The following NUDCD3 variants were observed in gnomAD, a reference collection of about 807,000 sequenced individuals.
NUDCD3 encodes the protein nudC domain-containing protein 3.
A neutral mutation model predicts 39.7 loss-of-function variants in NUDCD3; 13 were observed. That is an observed-to-expected ratio of 0.33 (90% CI 0.21 to 0.52). The LOEUF (loss-of-function observed/expected upper bound fraction) is 0.52, where lower values mean the gene tolerates loss of function less well. Ranked by LOEUF, NUDCD3 falls within the 20% of genes least tolerant of loss-of-function variation. The pLI is 0.96. For synonymous variants in NUDCD3, 175 were observed against 172.4 expected (o/e 1.02, Z -0.12); for missense variants, 453 against 458.1 (o/e 0.99, Z 0.10).
chr7:44,431,375 G>A (rs1361268612), intron 2 of NUDCD3, among the ~76,000 whole-genome samples: 1 of 152,200 alleles, frequency 6.6e-6, no homozygotes, highest in Non-Finnish European at 1.5e-5. Flanking sequence ...CACAGAACAG[G>A]CTCTGTTGGG....
chr7:44,478,707 T>C (rs1046521397), intron 2 of NUDCD3, among the ~76,000 whole-genome samples: 2 of 152,176 alleles, frequency 1.3e-5, no homozygotes, highest in Non-Finnish European at 2.9e-5. Context: ...ATCAGAGTGA[T>C]GGTAAAATTA....
At chr7:44,396,258 G>C (rs149770861) in intron 4 of NUDCD3, among the ~76,000 whole-genome samples, 2 of 152,254 alleles carry the variant, frequency 1.3e-5, no homozygotes, top group African/African-American at 4.8e-5. Flanking sequence ...CTGTAACCAA[G>C]TGGGCTGCCC....
chr7:44,412,965 A>G (rs995115028), intron 3 of NUDCD3, among the ~76,000 whole-genome samples: 3 of 151,368 alleles, frequency 2.0e-5, no homozygotes, highest in African/African-American at 7.3e-5. Context: ...GAAAGAAACC[A>G]TTGACCATTG....
chr7:44,489,279 T>C (rs1246041214), intron 1 of NUDCD3, among the ~76,000 whole-genome samples: 15 of 152,222 alleles, frequency 9.9e-5, no homozygotes. Context: ...CTCTCATCAC[T>C]AAGATGGCAC....
At chr7:44,431,778 T>C (rs1407410402) in intron 2 of NUDCD3, among the ~76,000 whole-genome samples, 1 of 150,856 alleles carries the variant, frequency 6.6e-6, no homozygotes, top group Non-Finnish European at 1.5e-5. Flanking sequence ...GTTCACATGA[T>C]TCTCCTGCCT....
In NUDCD3 at chr7:44,385,893, A is replaced by G; in HGVS notation, c.*118T>C. The stretch of plus-strand genomic sequence containing the variant: ...GGAAGGCCTGGTTCACCCTTGAAAG[A>G]AAGGATGGCTAGGGGTAAACAAGAC... On this transcript the variant is annotated 3_prime_UTR_variant, in exon 6 of 6. Transcript: ENST00000355451. The G allele has an allele frequency of 1.5e-6, 1 of 651,502 alleles. No individual in the cohort carries two copies. The highest frequency in any genetic ancestry group is 2.8e-6 in the Non-Finnish European group (1 of 356,188). The allele number at this position is 651,502 out of a possible 1,614,324, so 40.4% of individuals were successfully genotyped here.
At chr7:44,406,947 G>A (rs1048925436) in intron 3 of NUDCD3, among the ~76,000 whole-genome samples, 1 of 152,170 alleles carries the variant, frequency 6.6e-6, no homozygotes, top group African/African-American at 2.4e-5. Context: ...AAGGCCAGGG[G>A]CACATGTGGG....
chr7:44,401,027 T>C (rs773617375), intron 4 of NUDCD3, among the ~76,000 whole-genome samples: 6 of 152,118 alleles, frequency 3.9e-5, no homozygotes, highest in African/African-American at 4.8e-5. Flanking sequence ...CCAACAAACA[T>C]TGGAGATCAA....
intron 2 of NUDCD3, among the ~76,000 whole-genome samples, chr7:44,481,978 T>C (rs1800500756): frequency 6.6e-6 from 1 of 152,188 alleles, no homozygotes; most frequent in Non-Finnish European, 1.5e-5. Flanking sequence ...ACCTTGACCT[T>C]AGACTTCCAG....
chr7:44,478,868 A>G (rs1800433988), intron 2 of NUDCD3, among the ~76,000 whole-genome samples: 1 of 152,224 alleles, frequency 6.6e-6, no homozygotes, highest in South Asian at 2.1e-4. Flanking sequence ...GCACCAATGG[A>G]AATGTCATTG....
chr7:44,448,422 C>T (rs974105296), intron 2 of NUDCD3, among the ~76,000 whole-genome samples: 13 of 152,144 alleles, frequency 8.5e-5, no homozygotes, highest in Non-Finnish European at 1.5e-4. Flanking sequence ...AACACCTGCC[C>T]GAGGCGCCGG....
intron 3 of NUDCD3, among the ~76,000 whole-genome samples, chr7:44,424,553 T>G (rs6944500): frequency 0.16 from 24,071 of 152,166 alleles, 2,051 homozygotes; most frequent in Non-Finnish European, 0.19. Context: ...ATCATCTCTG[T>G]TCATTAGAGA....
At chr7:44,413,899 C>CA (rs1798974467) in intron 3 of NUDCD3, among the ~76,000 whole-genome samples, 1 of 152,006 alleles carries the variant, frequency 6.6e-6, no homozygotes, top group East Asian at 1.9e-4. Flanking sequence ...CTACAAAATA[C>CA]AAAAAATCAG....
chr7:44,445,265 T>C (rs1799670510), intron 2 of NUDCD3, among the ~76,000 whole-genome samples: 1 of 152,238 alleles, frequency 6.6e-6, no homozygotes, highest in South Asian at 2.1e-4. Flanking sequence ...CTGCTGCCTA[T>C]TAACTTTCTG....
At chr7:44,463,759 A>T (rs1800063016) in intron 2 of NUDCD3, among the ~76,000 whole-genome samples, 1 of 152,164 alleles carries the variant, frequency 6.6e-6, no homozygotes, top group African/African-American at 2.4e-5. Flanking sequence ...ACTGGGCTTG[A>T]GGGATGATCA....
chr7:44,447,851 A>T (rs1309558049), intron 2 of NUDCD3, among the ~76,000 whole-genome samples: 1 of 152,218 alleles, frequency 6.6e-6, no homozygotes, highest in East Asian at 1.9e-4. Flanking sequence ...ACAGGCCATC[A>T]GCAAGGGGCA....
intron 3 of NUDCD3, among the ~76,000 whole-genome samples, chr7:44,421,145 A>C (rs1799129211): frequency 6.6e-6 from 1 of 152,070 alleles, no homozygotes; most frequent in African/African-American, 2.4e-5. Flanking sequence ...CAGTCTGGCC[A>C]ATATGGTGAA....
chr7:44,394,580 G>A lies in NUDCD3; in HGVS notation c.787-2095C>T, dbSNP rs184946578. Among the ~76,000 whole-genome samples, 1,172 of 152,338 alleles carry A rather than the reference G, an allele frequency of 7.7e-3. 10 individuals are homozygous for A. The highest frequency in any genetic ancestry group is 0.015 in the South Asian group (74 of 4,820). ...TTTATCTTCACCAGTAGTTATTACTGTGATCCATGTAACTTATTTTATTAG... is the reference window on the plus strand; with the variant it reads ...TTTATCTTCACCAGTAGTTATTACTATGATCCATGTAACTTATTTTATTAG... On this transcript the variant is annotated intron_variant, in intron 4 of 5. Coordinates refer to ENST00000355451, the MANE Select transcript of NUDCD3 (RefSeq NM_015332.4).
chr7:44,440,238 A>G (rs1010682026), intron 2 of NUDCD3, among the ~76,000 whole-genome samples: 4 of 152,232 alleles, frequency 2.6e-5, no homozygotes, highest in Admixed American at 2.6e-4. Context: ...GAGAAAGACA[A>G]GACACCTCTG....
Sources: allele counts gnomAD v4.1 joint callset (sites outside exome capture counted in the v4.1 genomes callset), GRCh38; gene constraint gnomAD v4.1.1; transcripts MANE v1.5; gene names NCBI Gene and HGNC (gene_info 2026-07-23, HGNC 2026-07-21).